ADGRV1: variants seen among roughly 807,000 people sequenced by gnomAD.
ADGRV1 encodes adhesion G protein-coupled receptor V1.
ADGRV1 carries 359 observed loss-of-function variants against 596.2 expected under a neutral mutation model. The ratio of observed to expected loss-of-function variants is 0.60; its 90% CI spans 0.55 to 0.66. The LOEUF is 0.66. Among genes scored for constraint, ADGRV1 ranks in the 30% least tolerant of loss-of-function variants. ADGRV1 has a pLI of 0.00. For missense variants in ADGRV1, 7,274 were observed against 7,575.6 expected, an observed-to-expected ratio of 0.96 and a Z score of 1.48; for synonymous variants, 2,681 against 2,679.2, an observed-to-expected ratio of 1.00 and a Z score of -0.02.
At chr5:90,728,960 A>G (rs769251836) in intron 49 of ADGRV1, 27 bp downstream of exon 49, 4 of 1,446,774 alleles carry the variant, frequency 2.8e-6, no homozygotes, top group Admixed American at 2.0e-5. Flanking sequence ...TTTGTAGTGT[A>G]TATATAATTA....
intron 30 of ADGRV1, 92 bp from the exon 31 acceptor site, chr5:90,690,705 G>T (rs1162284278): frequency 1.6e-6 from 2 of 1,264,932 alleles, no homozygotes; most frequent in Admixed American, 4.1e-5. Context: ...TGCTTAGGGG[G>T]GAAGAGAATC....
At position 90,791,256 on chromosome 5, in the gene ADGRV1, A is replaced by G. The variant is rs727504605; in HGVS notation, c.14427A>G (p.Glu4809=). The G allele has an allele frequency of 6.8e-6, 11 of 1,610,954 alleles. No homozygotes were observed. Among genetic ancestry groups the G allele is most frequent in the East Asian group, 2.2e-5 (1 of 44,764 alleles). The change falls in exon 70 of 90, where the codon GAA becomes GAG. Residue 4809 remains glutamate, a synonymous_variant. Transcript: ENST00000405460. ...VGLRISSDHK[E]QPIVTENAER... is the part of the protein sequence containing the mutation. ...TTCGAATATCATCGGATCATAAAGA[A>G]CAGCCGATTGTTACCGAAAATGCAG...
At chr5:90,595,783 G>A (rs1408137436) in intron 1 of ADGRV1, among the ~76,000 whole-genome samples, 4 of 144,470 alleles carry the variant, frequency 2.8e-5, no homozygotes, top group Admixed American at 6.7e-5. Context: ...CTGGCCGGGC[G>A]GGAGGCTGAC....
intron 1 of ADGRV1, among the ~76,000 whole-genome samples, chr5:90,569,387 A>ATAT (rs1231607997): frequency 6.1e-5 from 1 of 16,374 alleles, no homozygotes; most frequent in Non-Finnish European, 1.0e-4. Flanking sequence ...ATATATATAT[A>ATAT]TTTTTTTTTT....
chr5:90,699,111 G>A (rs185724029), intron 34 of ADGRV1, among the ~76,000 whole-genome samples: 28 of 152,260 alleles, frequency 1.8e-4, no homozygotes, highest in African/African-American at 6.7e-4. Flanking sequence ...GTGACAAGAG[G>A]ATTGGAAACT....
chr5:90,838,293 A>C (rs1455069349), intron 77 of ADGRV1, among the ~76,000 whole-genome samples: 1 of 151,676 alleles, frequency 6.6e-6, no homozygotes, highest in Non-Finnish European at 1.5e-5. Flanking sequence ...TCCTTCCTGA[A>C]GAATGCTCTT....
chr5:90,817,972 G>A (rs924473819), intron 75 of ADGRV1, among the ~76,000 whole-genome samples: 18 of 152,058 alleles, frequency 1.2e-4, no homozygotes, highest in African/African-American at 4.4e-4. Flanking sequence ...TAGCTTGATG[G>A]GGATGGCATT....
chr5:90,595,107 C>A lies in ADGRV1; in HGVS notation c.23-19728C>A, dbSNP rs546243352. Among the ~76,000 whole-genome samples the A allele has an allele frequency of 3.0e-4, 38 of 126,972 alleles. 1 individual carries two copies. The highest frequency in any genetic ancestry group is 7.3e-4 in the Admixed American group (10 of 13,676). 83.3% of individuals were successfully genotyped at this position (126,972 alleles called of 152,430 possible). On this transcript the variant is annotated intron_variant, in intron 1 of 89. Coordinates refer to ENST00000405460, the MANE Select transcript of ADGRV1 (RefSeq NM_032119.4). Reference sequence around the variant, plus strand: ...CTCCCGGACGGGGCAGCTGGCCGGGCGGGGGGCTGACCCCCCCACCTCCCT... The same window carrying A: ...CTCCCGGACGGGGCAGCTGGCCGGGAGGGGGGCTGACCCCCCCACCTCCCT...
At chr5:90,637,422 A>G (rs543287010) in intron 10 of ADGRV1, among the ~76,000 whole-genome samples, 1 of 152,202 alleles carries the variant, frequency 6.6e-6, no homozygotes, top group Non-Finnish European at 1.5e-5. Flanking sequence ...GTTTTTCACA[A>G]TTCTTTGGGT....
chr5:90,831,802 C>T (rs1425651933), intron 77 of ADGRV1, among the ~76,000 whole-genome samples: 2 of 152,146 alleles, frequency 1.3e-5, no homozygotes, highest in African/African-American at 2.4e-5. Context: ...ATTTGTAGTT[C>T]CCACAAATAA....
At chr5:90,667,502 A>G (rs1212054097) in intron 21 of ADGRV1, among the ~76,000 whole-genome samples, 3 of 147,306 alleles carry the variant, frequency 2.0e-5, no homozygotes, top group East Asian at 2.0e-4. Context: ...TATTCTAGTT[A>G]TACATTCTTC....
At chr5:91,129,053 TTG>T (rs2126786843) in intron 87 of ADGRV1, among the ~76,000 whole-genome samples, 1 of 152,348 alleles carries the variant, frequency 6.6e-6, no homozygotes, top group African/African-American at 2.4e-5. Flanking sequence ...CAATGCATAC[TTG>T]TGGGTGTTTT....
intron 83 of ADGRV1, among the ~76,000 whole-genome samples, chr5:90,895,670 A>G (rs76332179): frequency 6.6e-6 from 1 of 152,332 alleles, no homozygotes; most frequent in African/African-American, 2.4e-5. Context: ...GCAAATTTCA[A>G]GATAGAACAC....
At chr5:90,770,577 A>G (rs954808740) in intron 59 of ADGRV1, among the ~76,000 whole-genome samples, 6 of 152,176 alleles carry the variant, frequency 3.9e-5, no homozygotes, top group African/African-American at 1.4e-4. Context: ...TGGTGTCTAC[A>G]TGTGCATTTG....
At chr5:90,968,028 G>A (rs768123533) in intron 84 of ADGRV1, among the ~76,000 whole-genome samples, 38 of 152,268 alleles carry the variant, frequency 2.5e-4, no homozygotes, top group Admixed American at 1.6e-3. Context: ...TATCCAATGA[G>A]AAGTTGGAAA....
intron 78 of ADGRV1, among the ~76,000 whole-genome samples, chr5:90,844,223 T>C (rs1193680860): frequency 6.6e-6 from 1 of 152,214 alleles, no homozygotes; most frequent in Non-Finnish European, 1.5e-5. Context: ...AACTTCCAAG[T>C]ACTGGAAGGT....
intron 75 of ADGRV1, among the ~76,000 whole-genome samples, chr5:90,821,206 A>G (rs1387178637): frequency 1.3e-5 from 2 of 150,488 alleles, no homozygotes; most frequent in Non-Finnish European, 3.0e-5. Flanking sequence ...AGTTGATCGC[A>G]TCGGCTCCTG....
At chr5:90,618,942 G>A (rs1763704725) in intron 3 of ADGRV1, 144 bp from the exon 4 acceptor site, 1 of 400,840 alleles carries the variant, frequency 2.5e-6, no homozygotes, top group Non-Finnish European at 4.4e-6. Context: ...TAATTAGAAT[G>A]TTTACTTAAT....
intron 55 of ADGRV1, among the ~76,000 whole-genome samples, chr5:90,756,130 A>G (rs1755805858): frequency 6.6e-6 from 1 of 152,042 alleles, no homozygotes; most frequent in Non-Finnish European, 1.5e-5. Flanking sequence ...GTGTTTCCTA[A>G]ATTTTCTTTT....
Sources: allele counts gnomAD v4.1 joint callset (sites outside exome capture counted in the v4.1 genomes callset), GRCh38; gene constraint gnomAD v4.1.1; transcripts MANE v1.5; gene names NCBI Gene and HGNC (gene_info 2026-07-23, HGNC 2026-07-21).